Variants in RPAP2 observed in about 807,000 individuals in gnomAD.
The protein encoded by RPAP2 is RNA polymerase II associated protein 2, also known as putative RNA polymerase II subunit B1 CTD phosphatase RPAP2.
RPAP2 carries 52 observed loss-of-function variants against 73.1 expected under a neutral mutation model. That is an observed-to-expected ratio of 0.71 (90% CI 0.57 to 0.90). The LOEUF (loss-of-function observed/expected upper bound fraction) is 0.90. Among genes scored for constraint, RPAP2 ranks in the 40% least tolerant of loss-of-function variants. The pLI is 0.00. For missense variants in RPAP2, 598 were observed against 701.8 expected (o/e 0.85, Z 1.67); for synonymous variants, 225 against 242.1 (o/e 0.93, Z 0.65).
At chr1:92,336,747 A>G (rs552405567) in intron 10 of RPAP2, among the ~76,000 whole-genome samples, 1 of 152,246 alleles carries the variant, frequency 6.6e-6, no homozygotes, top group South Asian at 2.1e-4. Context: ...ATATTGGCTG[A>G]CCCACACTGC....
At chr1:92,323,410 T>C in intron 7 of RPAP2, 35 bp from the exon 8 acceptor site, 1 of 1,415,788 alleles carries the variant, frequency 7.1e-7, no homozygotes. Context: ...TTGCTATTTT[T>C]TATTTAGTTA....
chr1:92,305,432 C>CA (rs71091273), intron 5 of RPAP2, among the ~76,000 whole-genome samples: 22,811 of 52,568 alleles, frequency 0.43, 5,947 homozygotes, highest in Non-Finnish European at 0.49. Flanking sequence ...GGCTCCGTCT[C>CA]AAAAAAAAAA....
chr1:92,306,043 T>TA (rs1164786899), intron 5 of RPAP2, among the ~76,000 whole-genome samples: 2 of 152,104 alleles, frequency 1.3e-5, no homozygotes, highest in African/African-American at 2.4e-5. Context: ...TATTAGCCTT[T>TA]AAAAAAAGGA....
At chr1:92,307,080 G>C (rs1651292469) in intron 5 of RPAP2, 108 bp from the exon 6 acceptor site, 1 of 744,740 alleles carries the variant, frequency 1.3e-6, no homozygotes, top group South Asian at 2.1e-5. Flanking sequence ...TAGATCTGTA[G>C]GTTTCCATTT....
chr1:92,337,415 A>T (rs1298749366), intron 10 of RPAP2, among the ~76,000 whole-genome samples: 1 of 152,264 alleles, frequency 6.6e-6, no homozygotes, highest in African/African-American at 2.4e-5. Flanking sequence ...AATTCAGGAA[A>T]AAGTTTTTCA....
Position 92,393,203 on chromosome 1 carries a change from C to T in RPAP2, c.*6192C>T, listed in dbSNP as rs1390682033. ...ACGTCTACCACCATCTGATCTTTGA[C>T]AAACCTGACACACACAAGCAATGGG... On this transcript the variant is annotated 3_prime_UTR_variant, in exon 13 of 13. Transcript: ENST00000610020. The T allele has an allele frequency of 2.0e-5, 3 of 152,182 alleles. No homozygotes were observed. Among genetic ancestry groups the T allele is most frequent in the Non-Finnish European group, 4.4e-5 (3 of 68,034 alleles). The allele number at this position is 152,182 out of a possible 1,614,324, so 9.4% of individuals were successfully genotyped here. A position where few individuals can be genotyped will look rare whatever the true frequency, so the allele number is the denominator to read the frequency against.
intron 11 of RPAP2, among the ~76,000 whole-genome samples, chr1:92,351,542 C>A (rs527705149): frequency 6.6e-6 from 1 of 152,090 alleles, no homozygotes; most frequent in Non-Finnish European, 1.5e-5. Context: ...TAGGACACAT[C>A]GCTCAGCTTC....
intron 8 of RPAP2, among the ~76,000 whole-genome samples, chr1:92,332,803 C>G (rs1571075524): frequency 6.6e-6 from 1 of 152,152 alleles, no homozygotes; most frequent in Non-Finnish European, 1.5e-5. Context: ...CTCAATTTCT[C>G]AATATCTAAT....
At chr1:92,333,075 C>T (rs1164698653) in intron 8 of RPAP2, among the ~76,000 whole-genome samples, 1 of 151,904 alleles carries the variant, frequency 6.6e-6, no homozygotes, top group Non-Finnish European at 1.5e-5. Flanking sequence ...ATATTTTAAT[C>T]CCCTACATTT....
chr1:92,339,067 G>A (rs540411822), intron 10 of RPAP2, among the ~76,000 whole-genome samples: 2 of 152,124 alleles, frequency 1.3e-5, no homozygotes, highest in Non-Finnish European at 2.9e-5. Flanking sequence ...TCTAGCTTAT[G>A]TAGAATAGGT....
chr1:92,307,830 A>C (rs190622704), intron 6 of RPAP2, among the ~76,000 whole-genome samples: 1 of 152,256 alleles, frequency 6.6e-6, no homozygotes, highest in Admixed American at 6.5e-5. Context: ...AGTCAAGAAA[A>C]TTTTATTATT....
At chr1:92,321,362 T>C (rs542473906) in intron 7 of RPAP2, among the ~76,000 whole-genome samples, 2 of 152,330 alleles carry the variant, frequency 1.3e-5, no homozygotes, top group African/African-American at 2.4e-5. Flanking sequence ...GACAGCCCCA[T>C]GGCTATATAG....
chr1:92,351,052 G>A (rs991186803), intron 11 of RPAP2, among the ~76,000 whole-genome samples: 9 of 152,004 alleles, frequency 5.9e-5, no homozygotes, highest in East Asian at 1.9e-4. Context: ...AGTGTCTCAC[G>A]CCTGTGAGCA....
chr1:92,390,942 C>A lies in RPAP2; in HGVS notation c.*3931C>A, dbSNP rs1656022020. 6.6e-6 allele frequency: 1 copy of A among 152,156 alleles called. No homozygotes were observed. The highest frequency in any genetic ancestry group is 1.5e-5 in the Non-Finnish European group (1 of 68,040). The allele number at this position is 152,156 out of a possible 1,614,324, so 9.4% of individuals were successfully genotyped here. A position where few individuals can be genotyped will look rare whatever the true frequency, so the allele number is the denominator to read the frequency against. On this transcript the variant is annotated 3_prime_UTR_variant, in exon 13 of 13. Coordinates refer to ENST00000610020, the MANE Select transcript of RPAP2 (RefSeq NM_024813.3). ...ACTCCCACACAATATTAATGGGTGA[C>A]TTTAACACCCCACTGTCAATATTAG...
intron 11 of RPAP2, among the ~76,000 whole-genome samples, chr1:92,374,267 T>C (rs192328694): frequency 6.6e-5 from 10 of 152,290 alleles, no homozygotes; most frequent in Non-Finnish European, 1.5e-5. Context: ...CATCCAATAC[T>C]GCAGTTAACT....
At position 92,320,592 on chromosome 1, in the gene RPAP2, A is replaced by G. The variant is rs372060503; in HGVS notation, c.489-7A>G. The G allele has an allele frequency of 1.9e-4, 308 of 1,610,458 alleles. No homozygotes were observed. The highest frequency in any genetic ancestry group is 2.5e-4 in the Non-Finnish European group (298 of 1,177,308). Reference sequence around the variant, plus strand: ...GCCTAATTTTTATTTCTGTGTTCTTATTACAGGCATCCTGATTTTCAACTG... The same window carrying G: ...GCCTAATTTTTATTTCTGTGTTCTTGTTACAGGCATCCTGATTTTCAACTG... On this transcript the variant is annotated splice_region_variant and splice_polypyrimidine_tract_variant and intron_variant, in intron 6 of 12. Coordinates refer to ENST00000610020, the MANE Select transcript of RPAP2 (RefSeq NM_024813.3).
At chr1:92,303,059 T>C (rs1650975509) in intron 3 of RPAP2, among the ~76,000 whole-genome samples, 2 of 152,182 alleles carry the variant, frequency 1.3e-5, no homozygotes, top group Non-Finnish European at 2.9e-5. Context: ...TAAAAAAATT[T>C]TGAAACAGCT....
At chr1:92,302,647 G>A (rs988724292) in intron 3 of RPAP2, among the ~76,000 whole-genome samples, 1 of 120,650 alleles carries the variant, frequency 8.3e-6, no homozygotes, top group African/African-American at 3.2e-5. Flanking sequence ...TGTCGCCCAG[G>A]CTGGAGTGCA....
At chr1:92,374,543 C>T (rs1655307223) in intron 11 of RPAP2, among the ~76,000 whole-genome samples, 1 of 152,092 alleles carries the variant, frequency 6.6e-6, no homozygotes, top group African/African-American at 2.4e-5. Context: ...TCGAGTTACT[C>T]CAATGACACC....
Sources: gnomAD v4.1 joint callset for allele counts (sites outside exome capture counted in the v4.1 genomes callset) on GRCh38, gnomAD v4.1.1 for gene constraint, MANE v1.5 for transcripts, NCBI Gene and HGNC (gene_info 2026-07-23, HGNC 2026-07-21) for gene names.